FRYL: variants seen among roughly 807,000 people sequenced by gnomAD.
The protein encoded by FRYL is FRY like transcription coactivator.
In FRYL, 150 loss-of-function variants were observed where a neutral mutation model predicts 351.2. The ratio of observed to expected loss-of-function variants is 0.43; its 90% confidence interval spans 0.37 to 0.49. FRYL has a LOEUF of 0.49. Among genes scored for constraint, FRYL ranks in the 20% least tolerant of loss-of-function variants. The pLI, the probability that FRYL is intolerant of heterozygous loss-of-function variation, is 0.00. For missense variants in FRYL, 3,036 were observed against 3,619.3 expected (o/e 0.84, Z 4.13); for synonymous variants, 1,153 against 1,257.1 (o/e 0.92, Z 1.75).
intron 37 of FRYL, 128 bp downstream of exon 37, chr4:48,551,357 CAGCATGGAA>C: frequency 1.9e-6 from 1 of 532,096 alleles, no homozygotes; most frequent in South Asian, 4.0e-5. Context: ...GGAAAGTTTC[CAGCATGGAA>C]ATATATTTTT....
intron 1 of FRYL, among the ~76,000 whole-genome samples, chr4:48,736,428 A>G (rs1771408420): frequency 6.6e-6 from 1 of 152,220 alleles, no homozygotes; most frequent in South Asian, 2.1e-4. Flanking sequence ...TGAGAAGATC[A>G]ATAAAATTGA....
chr4:48,500,296 C>G (rs749489262), intron 62 of FRYL, 76 bp from the exon 63 acceptor site: 49 of 827,958 alleles, frequency 5.9e-5, no homozygotes, highest in Non-Finnish European at 8.5e-5. Context: ...AAGAATATAC[C>G]TGATGGCAGT....
intron 4 of FRYL, among the ~76,000 whole-genome samples, chr4:48,627,398 A>G (rs1378431976): frequency 6.6e-6 from 1 of 152,196 alleles, no homozygotes; most frequent in Non-Finnish European, 1.5e-5. Context: ...CAACACAGTT[A>G]TAGCCAACTA....
chr4:48,553,040 A>C (rs1733242818), intron 36 of FRYL, among the ~76,000 whole-genome samples, 175 bp downstream of exon 36: 1 of 152,196 alleles, frequency 6.6e-6, no homozygotes, highest in Non-Finnish European at 1.5e-5. Context: ...AATTATGTTA[A>C]GCTTCTCTTT....
At position 48,540,863 on chromosome 4, in the gene FRYL, T is replaced by C; in HGVS notation, c.5785A>G (p.Ser1929Gly). Residue 1929 changes from serine (S) to glycine (G), a missense_variant, in exon 46 of 64, where the codon AGT (serine) becomes GGT (glycine). Transcript: ENST00000358350. ...NLSTSPINSS[S>G]YLGYNSNARS... The stretch of plus-strand genomic sequence containing the variant: ...GCATTACTGTTATATCCCAAATAAC[T>C]GCTACTATTAATGGGACTTGTGCTT... 1 of 1,613,964 alleles carries C rather than the reference T, an allele frequency of 6.2e-7. No homozygotes were observed. Among genetic ancestry groups the C allele is most frequent in the Non-Finnish European group, 8.5e-7 (1 of 1,179,860 alleles).
At chr4:48,538,076 CTTTA>C (rs1316612512) in intron 47 of FRYL, among the ~76,000 whole-genome samples, 1 of 152,072 alleles carries the variant, frequency 6.6e-6, no homozygotes, top group Non-Finnish European at 1.5e-5. Flanking sequence ...TACGATTAGA[CTTTA>C]TTAATGCAAA....
chr4:48,636,066 C>A (rs1272611872), intron 3 of FRYL, among the ~76,000 whole-genome samples: 4 of 152,108 alleles, frequency 2.6e-5, no homozygotes, highest in Non-Finnish European at 5.9e-5. Flanking sequence ...ATCTTTGTGT[C>A]ATATCAAGTT....
In FRYL at chr4:48,582,683, C is replaced by A. The variant is rs771477175; in HGVS notation, c.1800G>T (p.Leu600=). The A allele has an allele frequency of 6.2e-7, 1 of 1,614,136 alleles. No homozygotes were observed. Among genetic ancestry groups the A allele is most frequent in the Non-Finnish European group, 8.5e-7 (1 of 1,179,998 alleles). The change falls in exon 20 of 64, where the codon CTG becomes CTT. Residue 600 remains leucine (L), a synonymous_variant. Transcript: ENST00000358350. The part of the protein sequence containing the change: ...EELRALAFNT[L]QALMLDFPDW... ...CTGGAAAATCAAGCATTAGTGCCTGCAGAGTATTGAAAGCCAGAGCACGCA... is the reference window on the plus strand; with the variant it reads ...CTGGAAAATCAAGCATTAGTGCCTGAAGAGTATTGAAAGCCAGAGCACGCA...
Position 48,778,813 on chromosome 4 carries a change from T to C in FRYL, c.-384+1265A>G, listed in dbSNP as rs541270917. On this transcript the variant is annotated intron_variant, in intron 1 of 63. Transcript: ENST00000358350. ...CAGCATTTTATAAAACCAACTTTAC[T>C]TCCATCAAAACCCTTTTTCCCCCCC... 3.0e-4 allele frequency among the ~76,000 whole-genome samples: 45 copies of C among 152,276 alleles called. No homozygotes were observed. The South Asian group carries it at 9.1e-3, about 31-fold the overall frequency.
intron 23 of FRYL, 79 bp from the exon 24 acceptor site, chr4:48,576,301 T>C: frequency 9.0e-7 from 1 of 1,113,390 alleles, no homozygotes; most frequent in Non-Finnish European, 1.2e-6. Context: ...TAATGCTAAA[T>C]TTCTTTTTTT....
rs370470454 is a variant in FRYL at position 48,557,091 on chromosome 4, C to T, written c.4153G>A (p.Val1385Met). ...GCAAGTGTGGTCCACACATTCTCCACCTCCGACCAGGCCAGTTCATCGCCA... is the reference window on the plus strand; with the variant it reads ...GCAAGTGTGGTCCACACATTCTCCATCTCCGACCAGGCCAGTTCATCGCCA... ...KYGDELAWSE[V>M]ENVWTTLADG... Residue 1385 changes from valine (V) to methionine (M), a missense_variant, in exon 35 of 64, where the codon GTG (valine) becomes ATG (methionine). Transcript: ENST00000358350. 1.2e-6 allele frequency: 2 copies of T among 1,603,968 alleles called. No homozygotes were observed. The highest frequency in any genetic ancestry group is 8.5e-7 in the Non-Finnish European group (1 of 1,174,998).
chr4:48,756,848 T>C (rs1773843806), intron 1 of FRYL, among the ~76,000 whole-genome samples: 1 of 152,096 alleles, frequency 6.6e-6, no homozygotes, highest in Admixed American at 6.5e-5. Flanking sequence ...CTTGGGAGGC[T>C]GAAGTGGGAG....
At chr4:48,747,483 ACAAT>A (rs1425168057) in intron 1 of FRYL, among the ~76,000 whole-genome samples, 2 of 152,258 alleles carry the variant, frequency 1.3e-5, no homozygotes, top group Admixed American at 6.5e-5. Context: ...CAGATTAAAA[ACAAT>A]CAATATATGA....
At chr4:48,637,822 T>G (rs1182079730) in intron 3 of FRYL, 1 of 152,104 alleles carries the variant, frequency 6.6e-6, no homozygotes, top group Non-Finnish European at 1.5e-5. Flanking sequence ...ATTGTCTTTT[T>G]CATGCTGATG....
intron 42 of FRYL, among the ~76,000 whole-genome samples, chr4:48,545,347 GCCA>G (rs1279534337): frequency 6.6e-6 from 1 of 152,034 alleles, no homozygotes; most frequent in Non-Finnish European, 1.5e-5. Flanking sequence ...TGTGTTCTTG[GCCA>G]CCACCTCAGT....
At position 48,557,617 on chromosome 4, in the gene FRYL, A is replaced by C. The variant is rs1438459724; in HGVS notation, c.3961T>G (p.Leu1321Val). ...PWMNNIELVD[L>V]KPLPTARRHD... ...CGCCTTGCTGTGGGGAGAGGTTTTA[A>C]GTCCACCAGCTCGATGTTGTTCATC... is the stretch of plus-strand genomic sequence containing the variant. Residue 1321 changes from leucine (L) to valine (V), a missense_variant, in exon 34 of 64, where the codon TTA becomes GTA. This residue lies in a region of FRYL where 1,987 missense variants were observed against 2,311.7 expected (regional missense o/e 0.86). Transcript: ENST00000358350. 1 of 1,614,170 alleles carries C rather than the reference A, an allele frequency of 6.2e-7. No homozygotes were observed.
chr4:48,595,540 G>T lies in FRYL; in HGVS notation c.1248+50C>A, dbSNP rs373699713. On this transcript the variant is annotated intron_variant, in intron 15 of 63. Transcript: ENST00000358350. Reference sequence around the variant, plus strand: ...TTCAAAGCTCCAAGTGATTACAATAGATTACTCTAACAATTTATATACATA... The same window carrying T: ...TTCAAAGCTCCAAGTGATTACAATATATTACTCTAACAATTTATATACATA... 4 of 1,063,150 alleles carry T rather than the reference G, an allele frequency of 3.8e-6. No homozygotes were observed. The African/African-American group carries it at 6.5e-5, about 17-fold the overall frequency. The allele number at this position is 1,063,150 out of a possible 1,614,324, so 65.9% of individuals were successfully genotyped here.
intron 1 of FRYL, among the ~76,000 whole-genome samples, chr4:48,715,739 G>C (rs1355712194): frequency 2.6e-4 from 39 of 152,086 alleles, no homozygotes; most frequent in African/African-American, 7.7e-4. Flanking sequence ...CATCAAGCTA[G>C]CAATGACTTT....
chr4:48,765,365 A>G (rs952769591), intron 1 of FRYL, among the ~76,000 whole-genome samples: 8 of 152,210 alleles, frequency 5.3e-5, no homozygotes, highest in Admixed American at 1.3e-4. Context: ...ACAGTAAACT[A>G]ATTTTCAACA....
Sources: gnomAD v4.1 joint callset for allele counts (sites outside exome capture counted in the v4.1 genomes callset) on GRCh38, gnomAD v4.1.1 for gene constraint, gnomAD v4.1.1 regional missense constraint, MANE v1.5 for transcripts, NCBI Gene and HGNC (gene_info 2026-07-23, HGNC 2026-07-21) for gene names.